Variants in SV2B observed in about 807,000 individuals in gnomAD.
SV2B encodes solute carrier family 22 member B2.
A neutral mutation model predicts 73.9 loss-of-function variants in SV2B; 41 were observed. That is an observed-to-expected ratio of 0.56 (90% CI 0.43 to 0.72). SV2B has a LOEUF of 0.72. Ranked by LOEUF, SV2B falls within the 30% of genes least tolerant of loss-of-function variation. The pLI, the probability that SV2B is intolerant of heterozygous loss-of-function variation, is 0.00. For synonymous variants in SV2B, 314 were observed against 314.2 expected, an observed-to-expected ratio of 1.00 and a Z score of 0.01; for missense variants, 764 against 857.8, an observed-to-expected ratio of 0.89 and a Z score of 1.37.
intron 1 of SV2B, among the ~76,000 whole-genome samples, chr15:91,203,851 C>T (rs1175186180): frequency 6.6e-6 from 1 of 152,140 alleles, no homozygotes; most frequent in Non-Finnish European, 1.5e-5. Flanking sequence ...CCCCTCTCCC[C>T]CTCTCTCCCT....
At chr15:91,263,046 CA>C (rs1216580781) in intron 6 of SV2B, among the ~76,000 whole-genome samples, 1 of 152,154 alleles carries the variant, frequency 6.6e-6, no homozygotes, top group Non-Finnish European at 1.5e-5. Context: ...TGCACTACAT[CA>C]ACCTGGCCTG....
Position 91,258,676 on chromosome 15 carries a change from C to CGGG in SV2B, c.918+122_918+123insGGG. ...CTGCTTATGTGTTGCAAACTCTCCC[C>CGGG]TGGTCGGCTGACCTCACTCATCATT... On this transcript the variant is annotated intron_variant, in intron 5 of 12. Coordinates refer to ENST00000394232, the MANE Select transcript of SV2B (RefSeq NM_001323032.3). The surrounding 1 kb of genome is among the most constrained non-coding windows in gnomAD (Gnocchi z 4.7). 1 of 1,431,858 alleles carries CGGG rather than the reference C, an allele frequency of 7.0e-7. No homozygotes were observed. Among genetic ancestry groups the CGGG allele is most frequent in the Non-Finnish European group, 9.4e-7 (1 of 1,068,584 alleles). 88.7% of individuals were successfully genotyped at this position (1,431,858 alleles called of 1,614,324 possible). A position where few individuals can be genotyped will look rare whatever the true frequency, so the allele number is the denominator to read the frequency against.
At chr15:91,165,908 A>C (rs1027131696) in intron 1 of SV2B, among the ~76,000 whole-genome samples, 3 of 152,218 alleles carry the variant, frequency 2.0e-5, no homozygotes, top group Non-Finnish European at 2.9e-5. Context: ...ACTGCTGAAA[A>C]CAAATTCTCT....
At chr15:91,183,956 C>T (rs891413569) in intron 1 of SV2B, among the ~76,000 whole-genome samples, 2 of 136,182 alleles carry the variant, frequency 1.5e-5, no homozygotes, top group Admixed American at 7.7e-5. Flanking sequence ...CCCAAATAAT[C>T]GCCTGGGGAC....
In SV2B at chr15:91,289,677, A is replaced by G. The variant is rs1235197185; in HGVS notation, c.1865A>G (p.Gln622Arg). ...ACAGTGGAGCTGTATCCCACCAACC[A>G]GAGGTCAGTTCTTCCCCAGGCTTTC... ...VITVELYPTNQRATAFGILNG... is the reference protein window; with the variant it reads ...VITVELYPTNRRATAFGILNG... Residue 622 changes from glutamine (Q) to arginine (R), a missense_variant, in exon 12 of 13, where the codon CAG becomes CGG. Gln to Arg is a conservative substitution (Grantham distance 43). Transcript: ENST00000394232. The surrounding 1 kb of genome is among the most constrained non-coding windows in gnomAD (Gnocchi z 4.9). 7 of 1,612,132 alleles carry G rather than the reference A, an allele frequency of 4.3e-6. No homozygotes were observed. Among genetic ancestry groups the G allele is most frequent in the Non-Finnish European group, 5.9e-6 (7 of 1,179,400 alleles).
chr15:91,182,541 T>G (rs574661460), intron 1 of SV2B, among the ~76,000 whole-genome samples: 69 of 152,292 alleles, frequency 4.5e-4, no homozygotes, highest in African/African-American at 1.6e-3. Context: ...CTGAGCTTGA[T>G]TCTCTTGAAG....
chr15:91,183,666 T>C (rs1333074100), intron 1 of SV2B, among the ~76,000 whole-genome samples: 20 of 152,208 alleles, frequency 1.3e-4, no homozygotes, highest in Non-Finnish European at 2.9e-4. Context: ...TCACAGTCAT[T>C]TTGCGATGTA....
chr15:91,285,978 A>G lies in SV2B; in HGVS notation c.1708+1757A>G, dbSNP rs114925868. Among the ~76,000 whole-genome samples the G allele has an allele frequency of 5.3e-3, 808 of 152,304 alleles. 7 individuals are homozygous for G. The highest frequency in any genetic ancestry group is 0.017 in the African/African-American group (714 of 41,540). On this transcript the variant is annotated intron_variant, in intron 11 of 12. Transcript: ENST00000394232. ...TCGTATCATCGTGAATACATCCCAG[A>G]TCAAAACAATTCCTATAATGCTAAA...
In SV2B at chr15:91,241,178, A is replaced by G. The variant is rs184174563; in HGVS notation, c.452-10641A>G. ...CCTTAAAGTCCTCTCCAATCTTTAG[A>G]CTTTTAACCTCTTATTACCCCCTTG... On this transcript the variant is annotated intron_variant, in intron 2 of 12. Coordinates refer to ENST00000394232, the MANE Select transcript of SV2B (RefSeq NM_001323032.3). The surrounding 1 kb of genome is among the most constrained non-coding windows in gnomAD (Gnocchi z 4.8). Among the ~76,000 whole-genome samples, 24 of 152,242 alleles carry G rather than the reference A, an allele frequency of 1.6e-4. 1 individual carries two copies. The highest frequency in any genetic ancestry group is 3.4e-3 in the Middle Eastern group (1 of 294).
rs1009035485 is a variant in SV2B, at chr15:91,298,803, T to G, written c.*6251T>G. On this transcript the variant is annotated 3_prime_UTR_variant, in exon 13 of 13. Coordinates refer to ENST00000394232, the MANE Select transcript of SV2B (RefSeq NM_001323032.3). The surrounding 1 kb of genome is among the most constrained non-coding windows in gnomAD (Gnocchi z 5.4). Reference sequence around the variant, plus strand: ...CCAAAGTTAATGTGGTCACCACATTTGATGATTTTGCTAGGTAGGGAGGTT... The same window carrying G: ...CCAAAGTTAATGTGGTCACCACATTGGATGATTTTGCTAGGTAGGGAGGTT... 3 of 152,206 alleles carry G rather than the reference T, an allele frequency of 2.0e-5. No individual in the cohort carries two copies. Among genetic ancestry groups the G allele is most frequent in the African/African-American group, 7.2e-5 (3 of 41,440 alleles). 9.4% of individuals were successfully genotyped at this position (152,206 alleles called of 1,614,324 possible).
intron 1 of SV2B, among the ~76,000 whole-genome samples, chr15:91,221,152 C>T (rs567187540): frequency 6.6e-6 from 1 of 152,110 alleles, no homozygotes; most frequent in Non-Finnish European, 1.5e-5. Context: ...AGGTGTGAGC[C>T]CTCATGCCCA....
intron 1 of SV2B, among the ~76,000 whole-genome samples, chr15:91,116,547 T>G (rs1212019445): frequency 6.6e-6 from 1 of 152,168 alleles, no homozygotes; most frequent in Non-Finnish European, 1.5e-5. Context: ...GTTTCTTGGT[T>G]AGAATTTCCC....
chr15:91,262,635 T>C (rs11852740), intron 6 of SV2B, among the ~76,000 whole-genome samples: 15,091 of 150,580 alleles, frequency 0.1, 1,642 homozygotes, highest in African/African-American at 0.27. Flanking sequence ...CAAGTAGACC[T>C]CAGTGTTGGT....
rs370316095 is a variant in SV2B, at chr15:91,251,809, C to G, written c.452-10C>G. 8 of 1,613,508 alleles carry G rather than the reference C, an allele frequency of 5.0e-6. No homozygotes were observed. Among genetic ancestry groups the G allele is most frequent in the Non-Finnish European group, 5.1e-6 (6 of 1,179,608 alleles). The stretch of plus-strand genomic sequence containing the variant: ...CTCTCTATTCTCTCCTCTCCTCCCC[C>G]TCATTGCAGGGATGATAGTCTACTT... On this transcript the variant is annotated splice_polypyrimidine_tract_variant and intron_variant, in intron 2 of 12. Transcript: ENST00000394232.
intron 1 of SV2B, among the ~76,000 whole-genome samples, chr15:91,208,516 A>G (rs905380133): frequency 1.3e-5 from 2 of 152,238 alleles, no homozygotes; most frequent in Middle Eastern, 3.2e-3. Flanking sequence ...TCCGGATGAC[A>G]GCAGCAGGCA....
chr15:91,133,912 G>C lies in SV2B; in HGVS notation c.-392+33549G>C, dbSNP rs578217950. Among the ~76,000 whole-genome samples the C allele has an allele frequency of 7.8e-4, 119 of 152,052 alleles. 1 individual carries two copies. Among genetic ancestry groups the C allele is most frequent in the African/African-American group, 2.8e-3 (117 of 41,494 alleles). On this transcript the variant is annotated intron_variant, in intron 1 of 12. Coordinates refer to ENST00000394232, the MANE Select transcript of SV2B (RefSeq NM_001323032.3). ...AGCTCGGAAACGTCCACATGCACAT[G>C]AGGGCTTTTTGCAGGATGCTTAAAA...
chr15:91,197,565 C>CA lies in SV2B; in HGVS notation c.-391-28305dup, dbSNP rs59335170. 0.034 allele frequency among the ~76,000 whole-genome samples: 5,173 copies of CA among 150,752 alleles called. 283 individuals are homozygous for CA. Among genetic ancestry groups the CA allele is most frequent in the African/African-American group, 0.12 (4,774 of 40,474 alleles). On this transcript the variant is annotated intron_variant, in intron 1 of 12. Coordinates refer to ENST00000394232, the MANE Select transcript of SV2B (RefSeq NM_001323032.3). The surrounding 1 kb of genome is among the most constrained non-coding windows in gnomAD (Gnocchi z 4.9). ...GAAGAAAAAAAAAACCAAACCAAAC[C>CA]AAACAAAACAAAACAAAATCACTGT... is the stretch of plus-strand genomic sequence containing the variant.
At position 91,106,907 on chromosome 15, in the gene SV2B, G is replaced by T. The variant is rs1013390472; in HGVS notation, c.-392+6544G>T. ...CCTGTTTATAAAAGGAAGAAATAGG[G>T]AATAGCCTTCATAGGAAAAGGGGAG... On this transcript the variant is annotated intron_variant, in intron 1 of 12. Coordinates refer to ENST00000394232, the MANE Select transcript of SV2B (RefSeq NM_001323032.3). This position sits in a 1 kb window ranked among gnomAD's most constrained non-coding sequence, Gnocchi z 4.4. 7.9e-5 allele frequency among the ~76,000 whole-genome samples: 12 copies of T among 152,196 alleles called. No homozygotes were observed. The highest frequency in any genetic ancestry group is 1.2e-4 in the Non-Finnish European group (8 of 68,030).
intron 2 of SV2B, among the ~76,000 whole-genome samples, chr15:91,250,300 G>C (rs1167712249): frequency 6.6e-6 from 1 of 152,142 alleles, no homozygotes; most frequent in Middle Eastern, 3.2e-3. Flanking sequence ...AAAAGCATTT[G>C]ACAAAATTCA....
Sources: allele counts gnomAD v4.1 joint callset (sites outside exome capture counted in the v4.1 genomes callset), GRCh38; gene constraint gnomAD v4.1.1; non-coding constraint Gnocchi (gnomAD v3.1); transcripts MANE v1.5; gene names NCBI Gene and HGNC (gene_info 2026-07-23, HGNC 2026-07-21).